The following ARHGAP10 variants were observed in gnomAD, a reference collection of about 807,000 sequenced individuals.
ARHGAP10 encodes the protein Rho GTPase activating protein 10.
Under a neutral mutation model 108.6 loss-of-function variants are expected in ARHGAP10, and 87 were observed. That is an observed-to-expected ratio of 0.80 (90% confidence interval 0.67 to 0.96). The LOEUF (loss-of-function observed/expected upper bound fraction) is 0.96. ARHGAP10 is among the 40% of genes least tolerant of loss of function. ARHGAP10 has a pLI of 0.00. For synonymous variants in ARHGAP10, 347 were observed against 341.1 expected (o/e 1.02, Z -0.19); for missense variants, 939 against 954.5 (o/e 0.98, Z 0.21).
At chr4:147,951,836 G>A (rs867784771) in intron 15 of ARHGAP10, among the ~76,000 whole-genome samples, 4 of 151,932 alleles carry the variant, frequency 2.6e-5, no homozygotes, top group African/African-American at 9.7e-5. Context: ...TGTAAGTTTC[G>A]GTAAGTTTGA....
chr4:147,794,146 A>G (rs1731226755), intron 1 of ARHGAP10, among the ~76,000 whole-genome samples: 1 of 152,186 alleles, frequency 6.6e-6, no homozygotes, highest in Non-Finnish European at 1.5e-5. Flanking sequence ...GAAAGTGCAA[A>G]GTAAGTGCCA....
intron 13 of ARHGAP10, among the ~76,000 whole-genome samples, chr4:147,925,510 C>T (rs1195768596): frequency 6.6e-6 from 1 of 152,136 alleles, no homozygotes; most frequent in Non-Finnish European, 1.5e-5. Context: ...ATTTAGCTGT[C>T]CCATCCTTTC....
chr4:147,767,622 T>C (rs1246692786), intron 1 of ARHGAP10, among the ~76,000 whole-genome samples: 1 of 152,040 alleles, frequency 6.6e-6, no homozygotes, highest in Non-Finnish European at 1.5e-5. Context: ...GAGGCTGAGG[T>C]AGGAGGATCG....
chr4:147,810,095 C>CT (rs1399936273), intron 1 of ARHGAP10, among the ~76,000 whole-genome samples: 3 of 152,116 alleles, frequency 2.0e-5, no homozygotes. Flanking sequence ...TACATTCACC[C>CT]TTTTTGAGCG....
intron 1 of ARHGAP10, among the ~76,000 whole-genome samples, chr4:147,748,696 C>G (rs1460480067): frequency 6.6e-6 from 1 of 152,140 alleles, no homozygotes; most frequent in Non-Finnish European, 1.5e-5. Context: ...ATAGGCTGGG[C>G]ACTGTGGCTC....
At chr4:147,888,256 G>C (rs1735651504) in intron 10 of ARHGAP10, among the ~76,000 whole-genome samples, 1 of 152,106 alleles carries the variant, frequency 6.6e-6, no homozygotes, top group African/African-American at 2.4e-5. Flanking sequence ...TCCGTATGTT[G>C]ATAACTTGCA....
intron 18 of ARHGAP10, among the ~76,000 whole-genome samples, chr4:147,970,242 G>T (rs1226416612): frequency 1.3e-5 from 2 of 152,148 alleles, no homozygotes; most frequent in Non-Finnish European, 2.9e-5. Context: ...TTAGCCACGG[G>T]TTTCCCTGGC....
chr4:148,041,315 A>G (rs1299467586), intron 19 of ARHGAP10, among the ~76,000 whole-genome samples: 1 of 152,222 alleles, frequency 6.6e-6, no homozygotes, highest in Non-Finnish European at 1.5e-5. Flanking sequence ...GCTACGTGGA[A>G]GAACAGCAGG....
At chr4:148,061,994 A>G (rs1279824372) in intron 20 of ARHGAP10, among the ~76,000 whole-genome samples, 1 of 152,130 alleles carries the variant, frequency 6.6e-6, no homozygotes, top group African/African-American at 2.4e-5. Context: ...AGGAAGGGCA[A>G]GATTAGAGCA....
chr4:147,758,856 G>A (rs1579008272), intron 1 of ARHGAP10, among the ~76,000 whole-genome samples: 3 of 151,068 alleles, frequency 2.0e-5, no homozygotes, highest in African/African-American at 7.3e-5. Flanking sequence ...GTGCGTGCCT[G>A]TAGTCCCAGC....
chr4:147,782,972 T>TTA (rs1418547206), intron 1 of ARHGAP10, among the ~76,000 whole-genome samples: 3 of 140,734 alleles, frequency 2.1e-5, no homozygotes, highest in Non-Finnish European at 4.6e-5. Flanking sequence ...ATATATTAAA[T>TTA]TATATATTAT....
intron 18 of ARHGAP10, 145 bp from the exon 19 acceptor site, chr4:148,023,118 T>C: frequency 1.3e-6 from 1 of 779,450 alleles, no homozygotes. Context: ...CTATGACCTC[T>C]TCCCTTCATT....
chr4:148,043,221 A>G (rs1422757309), intron 19 of ARHGAP10, among the ~76,000 whole-genome samples: 2 of 152,184 alleles, frequency 1.3e-5, no homozygotes, highest in Non-Finnish European at 2.9e-5. Context: ...GGATGCTGCA[A>G]GGAAGTCATT....
intron 1 of ARHGAP10, among the ~76,000 whole-genome samples, chr4:147,804,571 T>C (rs1466507511): frequency 6.6e-6 from 1 of 152,144 alleles, no homozygotes; most frequent in Non-Finnish European, 1.5e-5. Context: ...TTGAGAAATC[T>C]CCAGACTGGT....
chr4:147,847,974 G>A (rs1327907847), intron 4 of ARHGAP10, among the ~76,000 whole-genome samples: 6 of 152,168 alleles, frequency 3.9e-5, no homozygotes, highest in African/African-American at 1.2e-4. Context: ...AGTAACATTT[G>A]CATGCTGTTG....
chr4:147,800,280 C>G (rs1224067131), intron 1 of ARHGAP10, among the ~76,000 whole-genome samples: 1 of 152,190 alleles, frequency 6.6e-6, no homozygotes, highest in Non-Finnish European at 1.5e-5. Flanking sequence ...GAGCCAGACA[C>G]TTGTTGAGAT....
chr4:147,765,339 G>GTGTGTGT (rs72246174), intron 1 of ARHGAP10, among the ~76,000 whole-genome samples: 1 of 26,764 alleles, frequency 3.7e-5, no homozygotes, highest in African/African-American at 6.8e-5. Flanking sequence ...TGTGTGTGTG[G>GTGTGTGT]GGGGGGGGGT....
At chr4:148,025,733 G>A (rs780785107) in intron 19 of ARHGAP10, among the ~76,000 whole-genome samples, 12 of 152,008 alleles carry the variant, frequency 7.9e-5, no homozygotes, top group African/African-American at 4.8e-5. Flanking sequence ...TTGTCATTAC[G>A]ACTTAATTTT....
intron 14 of ARHGAP10, among the ~76,000 whole-genome samples, chr4:147,942,533 A>G (rs561057026): frequency 1.3e-5 from 2 of 152,118 alleles, no homozygotes; most frequent in East Asian, 1.9e-4. Flanking sequence ...TTTTCCCTTC[A>G]TATTTCATAT....
Sources: allele counts gnomAD v4.1 joint callset (sites outside exome capture counted in the v4.1 genomes callset), GRCh38; gene constraint gnomAD v4.1.1; transcripts MANE v1.5; gene names NCBI Gene and HGNC (gene_info 2026-07-23, HGNC 2026-07-21).